BANP: variants seen among roughly 807,000 people sequenced by gnomAD.
The protein encoded by BANP is BTG3 associated nuclear protein.
BANP carries 11 observed loss-of-function variants against 68.1 expected under a neutral mutation model. The observed-to-expected ratio is 0.16, with a 90% CI of 0.10 to 0.27. The LOEUF (loss-of-function observed/expected upper bound fraction) is 0.27, where lower values mean the gene tolerates loss of function less well. Among genes scored for constraint, BANP ranks in the 10% least tolerant of loss-of-function variants. The probability of loss-of-function intolerance (pLI) is 1.00; values close to 1 mark genes in which losing one functional copy is unlikely to be tolerated. For synonymous variants in BANP, 329 were observed against 303.2 expected (o/e 1.09, Z -0.88); for missense variants, 504 against 722.7 (o/e 0.70, Z 3.47).
chr16:88,046,101 T>G (rs756545342), intron 11 of BANP, among the ~76,000 whole-genome samples: 26 of 152,238 alleles, frequency 1.7e-4, no homozygotes, highest in Non-Finnish European at 3.1e-4. Context: ...CGGGCTGTGG[T>G]CTGCAGACAG....
chr16:87,951,827 C>T (rs955385947), intron 1 of BANP, among the ~76,000 whole-genome samples: 1 of 152,058 alleles, frequency 6.6e-6, no homozygotes. Flanking sequence ...TGTCCCGGGC[C>T]TCGCCCCGCG....
At chr16:88,024,464 A>T (rs2076595109) in intron 7 of BANP, among the ~76,000 whole-genome samples, 1 of 152,220 alleles carries the variant, frequency 6.6e-6, no homozygotes. Context: ...ATTCAAGGTG[A>T]TCTTTTGATC....
chr16:88,048,596 C>T (rs923385408), intron 11 of BANP, among the ~76,000 whole-genome samples: 26 of 151,580 alleles, frequency 1.7e-4, no homozygotes, highest in Non-Finnish European at 3.5e-4. Flanking sequence ...TCGATTCTAA[C>T]AGTGTTCTCG....
intron 1 of BANP, among the ~76,000 whole-genome samples, chr16:87,951,883 C>G (rs1380841056): frequency 2.0e-5 from 3 of 152,114 alleles, no homozygotes; most frequent in African/African-American, 7.2e-5. Flanking sequence ...GGCCTAGAAC[C>G]GCGCCCGGGC....
intron 1 of BANP, chr16:87,956,918 G>A (rs1040678732): frequency 6.6e-6 from 1 of 152,226 alleles, no homozygotes; most frequent in Non-Finnish European, 1.5e-5. Context: ...GGTGCCGTAA[G>A]TCTCAGAGAG....
In BANP at chr16:87,989,848, C is replaced by T. The variant is rs1401578746; in HGVS notation, c.362+5589C>T. On this transcript the variant is annotated intron_variant, in intron 4 of 13. Transcript: ENST00000682872. ...GCGGGTGATGGGGGATGCAGGCCCG[C>T]GTGGCTGCGTGCATCCAGGACACAG... is the stretch of plus-strand genomic sequence containing the variant. 1.0e-3 allele frequency among the ~76,000 whole-genome samples: 116 copies of T among 114,938 alleles called. 3 individuals are homozygous for T. Among genetic ancestry groups the T allele is most frequent in the Non-Finnish European group, 1.6e-3 (92 of 57,052 alleles). The allele number at this position is 114,938 out of a possible 152,430, so 75.4% of individuals were successfully genotyped here.
At chr16:88,012,480 A>G (rs1428782314) in intron 6 of BANP, among the ~76,000 whole-genome samples, 1 of 152,198 alleles carries the variant, frequency 6.6e-6, no homozygotes, top group Non-Finnish European at 1.5e-5. Context: ...ACGTAACACC[A>G]TGCTCTAAGG....
intron 4 of BANP, among the ~76,000 whole-genome samples, chr16:87,986,134 C>T (rs926356160): frequency 6.6e-6 from 1 of 152,166 alleles, no homozygotes; most frequent in African/African-American, 2.4e-5. Context: ...CAAAGATGTC[C>T]CACGGGATCT....
intron 2 of BANP, among the ~76,000 whole-genome samples, chr16:87,977,425 A>G (rs940626039): frequency 6.6e-6 from 1 of 151,782 alleles, no homozygotes; most frequent in Non-Finnish European, 1.5e-5. Context: ...TCTCAAAAAA[A>G]AAAACAAAAC....
intron 6 of BANP, chr16:88,017,238 C>G (rs1567761623): frequency 6.6e-6 from 1 of 152,284 alleles, no homozygotes; most frequent in Non-Finnish European, 1.5e-5. Flanking sequence ...CTCAGAGACT[C>G]TGGCAGAGCG....
At chr16:87,971,016 C>CAAAAA (rs10624509) in intron 1 of BANP, among the ~76,000 whole-genome samples, 1 of 135,388 alleles carries the variant, frequency 7.4e-6, no homozygotes. Flanking sequence ...GACTGCATCT[C>CAAAAA]AAAAAAAAAA....
chr16:87,950,917 C>G (rs2056745531), upstream of BANP: 1 of 152,368 alleles, frequency 6.6e-6, no homozygotes, highest in Non-Finnish European at 1.5e-5. Flanking sequence ...CAGGACCCGC[C>G]GCAGCAGCAG....
intron 5 of BANP, among the ~76,000 whole-genome samples, chr16:88,005,754 G>C (rs7404274): frequency 0.62 from 93,679 of 152,116 alleles, 31,788 homozygotes; most frequent in Non-Finnish European, 0.78. Context: ...CTTTAACCTC[G>C]CCGGAAAAAA....
At chr16:88,026,496 CCTGTGT>C (rs2077014947) in intron 7 of BANP, among the ~76,000 whole-genome samples, 1 of 152,200 alleles carries the variant, frequency 6.6e-6, no homozygotes, top group Admixed American at 6.5e-5. Context: ...AACAAAGGCC[CCTGTGT>C]TTATGAGGGG....
At chr16:88,066,887 T>C (rs1004678815) in intron 12 of BANP, among the ~76,000 whole-genome samples, 1 of 152,202 alleles carries the variant, frequency 6.6e-6, no homozygotes, top group Non-Finnish European at 1.5e-5. Context: ...GGGGAGGCAG[T>C]GGCGCTGTCA....
At chr16:88,017,414 G>A (rs1383310248) in intron 6 of BANP, 5 of 152,308 alleles carry the variant, frequency 3.3e-5, no homozygotes, top group African/African-American at 9.6e-5. Flanking sequence ...AGGAATGTGA[G>A]TTTTCCCGTT....
chr16:87,976,268 C>A (rs868711498), intron 2 of BANP, among the ~76,000 whole-genome samples: 4 of 152,280 alleles, frequency 2.6e-5, no homozygotes, highest in African/African-American at 9.6e-5. Flanking sequence ...ACTAATTCTT[C>A]CACGGACAGT....
chr16:88,004,294 GCGT>G lies in BANP; in HGVS notation c.367_369del (p.Val123del). 6.6e-7 allele frequency: 1 copy of G among 1,512,652 alleles called. No individual in the cohort carries two copies. Among genetic ancestry groups the G allele is most frequent in the Non-Finnish European group, 9.0e-7 (1 of 1,112,336 alleles). The allele number at this position is 1,512,652 out of a possible 1,614,324, so 93.7% of individuals were successfully genotyped here. ...TTCTTTGTGATTCTTTTGTTCCCTA[GCGT>G]CGTCCCCCAGACTACAGTAATACTC... On this transcript the variant is annotated inframe_deletion and splice_region_variant, in exon 5 of 14. Transcript: ENST00000682872. This position sits in a 1 kb window ranked among gnomAD's most constrained non-coding sequence, Gnocchi z 7.0.
intron 1 of BANP, chr16:87,956,583 GC>G (rs1282240424): frequency 2.0e-5 from 3 of 152,226 alleles, no homozygotes; most frequent in Admixed American, 6.5e-5. Flanking sequence ...TGCACCTGGG[GC>G]CCTTCAGCCC....
Sources: gnomAD v4.1 joint callset for allele counts (sites outside exome capture counted in the v4.1 genomes callset) on GRCh38, gnomAD v4.1.1 for gene constraint, Gnocchi (gnomAD v3.1) non-coding constraint, MANE v1.5 for transcripts, NCBI Gene and HGNC (gene_info 2026-07-23, HGNC 2026-07-21) for gene names.